EPHA4: variants seen among roughly 807,000 people sequenced by gnomAD.
EPHA4 encodes ephrin type-A receptor 4.
A neutral mutation model predicts 108.3 loss-of-function variants in EPHA4; 19 were observed. The observed-to-expected ratio is 0.18, with a 90% CI of 0.12 to 0.26. The LOEUF is 0.26. EPHA4 is among the 10% of genes least tolerant of loss of function. The probability of loss-of-function intolerance (pLI) is 1.00; values close to 1 mark genes in which losing one functional copy is unlikely to be tolerated. For missense variants in EPHA4, 917 were observed against 1,254.0 expected (o/e 0.73, Z 4.06); for synonymous variants, 449 against 455.5 (o/e 0.99, Z 0.18).
At chr2:221,506,751 G>A (rs2106162005) in intron 3 of EPHA4, among the ~76,000 whole-genome samples, 1 of 152,280 alleles carries the variant, frequency 6.6e-6, no homozygotes, top group East Asian at 1.9e-4. Flanking sequence ...TCTCATCCAG[G>A]AATGGGCAAA....
intron 17 of EPHA4, among the ~76,000 whole-genome samples, chr2:221,424,413 A>C (rs1390204480): frequency 1.3e-5 from 2 of 151,978 alleles, no homozygotes; most frequent in East Asian, 3.9e-4. Context: ...GATACAACCA[A>C]GGGGAAAGAA....
At chr2:221,546,910 CAG>C (rs1694014258) in intron 3 of EPHA4, among the ~76,000 whole-genome samples, 1 of 152,038 alleles carries the variant, frequency 6.6e-6, no homozygotes, top group African/African-American at 2.4e-5. Context: ...TTACAAGAAA[CAG>C]AAAATCTGAC....
chr2:221,467,614 T>G (rs1691351157), intron 5 of EPHA4, among the ~76,000 whole-genome samples: 1 of 152,184 alleles, frequency 6.6e-6, no homozygotes, highest in Admixed American at 6.5e-5. Context: ...GAATTAGCAT[T>G]ATTACAGGTA....
At chr2:221,533,097 A>G (rs1369110174) in intron 3 of EPHA4, 1 of 152,218 alleles carries the variant, frequency 6.6e-6, no homozygotes, top group Admixed American at 6.5e-5. Flanking sequence ...AATAAAGAAC[A>G]ACAACAATGA....
At chr2:221,512,033 T>A (rs1034277688) in intron 3 of EPHA4, among the ~76,000 whole-genome samples, 3 of 152,204 alleles carry the variant, frequency 2.0e-5, no homozygotes, top group Non-Finnish European at 2.9e-5. Flanking sequence ...ATGACTTTAG[T>A]AAATTTTGAG....
At chr2:221,555,101 G>A (rs1380812244) in intron 3 of EPHA4, among the ~76,000 whole-genome samples, 1 of 152,134 alleles carries the variant, frequency 6.6e-6, no homozygotes, top group African/African-American at 2.4e-5. Flanking sequence ...AAAATGAAAT[G>A]AGCAGCAGGG....
At chr2:221,457,706 TA>T (rs1412629981) in intron 6 of EPHA4, among the ~76,000 whole-genome samples, 159 bp downstream of exon 6, 1 of 147,682 alleles carries the variant, frequency 6.8e-6, no homozygotes, top group Non-Finnish European at 1.5e-5. Flanking sequence ...GGCTAACCCT[TA>T]AACAGAAGGG....
chr2:221,465,593 G>A (rs929188276), intron 5 of EPHA4, among the ~76,000 whole-genome samples: 9 of 152,178 alleles, frequency 5.9e-5, no homozygotes, highest in South Asian at 2.1e-4. Flanking sequence ...TGTATCTACG[G>A]TAGTTCATGT....
chr2:221,545,152 A>T (rs556810942), intron 3 of EPHA4, among the ~76,000 whole-genome samples: 22 of 152,354 alleles, frequency 1.4e-4, no homozygotes, highest in African/African-American at 5.3e-4. Context: ...ATTACAAAGC[A>T]AATAAAAAGG....
At chr2:221,525,271 A>G (rs1693288404) in intron 3 of EPHA4, among the ~76,000 whole-genome samples, 1 of 152,234 alleles carries the variant, frequency 6.6e-6, no homozygotes, top group African/African-American at 2.4e-5. Context: ...CCATTTAGGC[A>G]GATGAAAACA....
chr2:221,473,432 A>C (rs1691553738), intron 5 of EPHA4, among the ~76,000 whole-genome samples: 1 of 151,912 alleles, frequency 6.6e-6, no homozygotes, highest in Non-Finnish European at 1.5e-5. Flanking sequence ...GAGACTCAGA[A>C]GAATTCTCTA....
At chr2:221,432,886 G>A (rs192051091) in intron 14 of EPHA4, among the ~76,000 whole-genome samples, 52 of 145,884 alleles carry the variant, frequency 3.6e-4, no homozygotes, top group Admixed American at 1.3e-3. Flanking sequence ...GTGCAGTGGC[G>A]TGATCTCTGC....
intron 3 of EPHA4, among the ~76,000 whole-genome samples, chr2:221,543,631 G>A (rs960889164): frequency 2.6e-5 from 4 of 152,078 alleles, no homozygotes; most frequent in African/African-American, 4.8e-5. Context: ...TAGCAGCTAC[G>A]CACACAATAA....
Position 221,566,932 on chromosome 2 carries a change from G to GA in EPHA4, c.159+1785dup, listed in dbSNP as rs1559297280. ...GGAGAAGGAGAAGGAGAAGGAGAAGGAGAAGGAGAAGGAGAAGGAGAAGGG... is the reference window on the plus strand; with the variant it reads ...GGAGAAGGAGAAGGAGAAGGAGAAGGAAGAAGGAGAAGGAGAAGGAGAAGGG... On this transcript the variant is annotated intron_variant, in intron 2 of 17. Transcript: ENST00000281821. Among the ~76,000 whole-genome samples the GA allele has an allele frequency of 1.6e-4, 4 of 25,172 alleles. 2 individuals carry two copies. Among genetic ancestry groups the GA allele is most frequent in the African/African-American group, 1.1e-3 (4 of 3,528 alleles). 16.5% of individuals were successfully genotyped at this position (25,172 alleles called of 152,430 possible).
chr2:221,538,608 C>T (rs936703997), intron 3 of EPHA4, among the ~76,000 whole-genome samples: 12 of 152,044 alleles, frequency 7.9e-5, no homozygotes, highest in Non-Finnish European at 1.3e-4. Flanking sequence ...TTGACTGAAC[C>T]TGTAAGTTTA....
At chr2:221,533,609 C>G (rs547706595) in intron 3 of EPHA4, among the ~76,000 whole-genome samples, 2 of 151,680 alleles carry the variant, frequency 1.3e-5, no homozygotes, top group African/African-American at 4.8e-5. Flanking sequence ...TGAACGAGTT[C>G]CAGTCTATGG....
intron 2 of EPHA4, among the ~76,000 whole-genome samples, chr2:221,564,748 G>A (rs186321526): frequency 8.8e-4 from 133 of 151,974 alleles, no homozygotes; most frequent in African/African-American, 3.0e-3. Flanking sequence ...TACTCATAAA[G>A]GAAAAACTAG....
At chr2:221,456,135 A>G (rs113700903) in intron 7 of EPHA4, among the ~76,000 whole-genome samples, 112 of 151,998 alleles carry the variant, frequency 7.4e-4, no homozygotes, top group African/African-American at 2.6e-3. Context: ...CCAACTCGCA[A>G]TGCTTAAAGA....
chr2:221,459,283 C>A (rs1043561557), intron 5 of EPHA4, among the ~76,000 whole-genome samples: 12 of 149,692 alleles, frequency 8.0e-5, no homozygotes, highest in Non-Finnish European at 3.0e-5. Context: ...GGGATGGTAA[C>A]AGGCGCACAC....
Sources: gnomAD v4.1 joint callset for allele counts (sites outside exome capture counted in the v4.1 genomes callset) on GRCh38, gnomAD v4.1.1 for gene constraint, MANE v1.5 for transcripts, NCBI Gene and HGNC (gene_info 2026-07-23, HGNC 2026-07-21) for gene names.